Variants in RGS6 observed in about 807,000 individuals in gnomAD.
RGS6 encodes the protein regulator of G protein signaling 6, also known as regulator of G-protein signaling 6.
A neutral mutation model predicts 78.5 loss-of-function variants in RGS6; 30 were observed. The observed-to-expected ratio is 0.38, with a 90% CI of 0.29 to 0.52. RGS6 has a LOEUF of 0.52. Among genes scored for constraint, RGS6 ranks in the 20% least tolerant of loss-of-function variants. The probability of loss-of-function intolerance (pLI) is 0.85; values close to 1 mark genes in which losing one functional copy is unlikely to be tolerated. For missense variants in RGS6, 495 were observed against 609.7 expected (o/e 0.81, Z 1.98); for synonymous variants, 206 against 206.0 (o/e 1.00, Z 0.00).
chr14:72,058,000 A>C (rs1407233226), intron 2 of RGS6, among the ~76,000 whole-genome samples: 5 of 152,020 alleles, frequency 3.3e-5, no homozygotes, highest in Admixed American at 6.5e-5. Context: ...AGTGACTGCC[A>C]CTAAACCCAC....
the RGS6 span, among the ~76,000 whole-genome samples, chr14:71,890,368 G>C: frequency 1.3e-5 from 2 of 151,172 alleles, no homozygotes; most frequent in African/African-American, 4.8e-5. Flanking sequence ...CAGAGAGAGA[G>C]AGAGAGAGAG....
At chr14:72,012,443 C>G (rs1478661719) in intron 2 of RGS6, among the ~76,000 whole-genome samples, 1 of 152,114 alleles carries the variant, frequency 6.6e-6, no homozygotes, top group Non-Finnish European at 1.5e-5. Flanking sequence ...AACTCTTTCC[C>G]CATATATTTT....
chr14:71,967,013 G>A lies in RGS6; in HGVS notation c.84+2138G>A, dbSNP rs546281938. On this transcript the variant is annotated intron_variant, in intron 2 of 17. Transcript: ENST00000553525. ...TAGAATGTTTGTATTATGTTTACAGGAAAAAAAAACTTCCTGCAGGTTTAT... is the reference window on the plus strand; with the variant it reads ...TAGAATGTTTGTATTATGTTTACAGAAAAAAAAAACTTCCTGCAGGTTTAT... Among the ~76,000 whole-genome samples the A allele has an allele frequency of 6.0e-5, 9 of 150,680 alleles. No homozygotes were observed. In the South Asian group the frequency reaches 1.9e-3, roughly 32 times the overall value.
intron 2 of RGS6, among the ~76,000 whole-genome samples, chr14:72,094,312 G>A (rs1425061097): frequency 6.6e-6 from 1 of 152,172 alleles, no homozygotes. Flanking sequence ...TTAAATAAAT[G>A]GTTTTCATAT....
chr14:72,264,913 G>C (rs1241230379), intron 2 of RGS6, among the ~76,000 whole-genome samples: 2 of 152,128 alleles, frequency 1.3e-5, no homozygotes, highest in African/African-American at 4.8e-5. Context: ...GAACCTCTCG[G>C]TACCACGTTC....
chr14:72,172,776 C>T (rs563676214), intron 2 of RGS6, among the ~76,000 whole-genome samples: 8 of 152,264 alleles, frequency 5.3e-5, no homozygotes, highest in African/African-American at 1.9e-4. Context: ...CAAAGTCACT[C>T]CACCTGAGGA....
chr14:72,148,654 T>G (rs572023611), intron 2 of RGS6, among the ~76,000 whole-genome samples: 23 of 152,134 alleles, frequency 1.5e-4, no homozygotes, highest in Non-Finnish European at 2.4e-4. Context: ...TGGTATTGAT[T>G]GAATATGGTG....
intron 3 of RGS6, among the ~76,000 whole-genome samples, chr14:72,449,346 T>C (rs559327282): frequency 2.6e-5 from 4 of 152,338 alleles, no homozygotes; most frequent in Admixed American, 6.5e-5. Flanking sequence ...TTGCAGGTGA[T>C]GGGAACCAGT....
At chr14:72,105,355 G>C (rs1597641949) in intron 2 of RGS6, among the ~76,000 whole-genome samples, 1 of 152,190 alleles carries the variant, frequency 6.6e-6, no homozygotes, top group Non-Finnish European at 1.5e-5. Flanking sequence ...ATGTGGTACA[G>C]CTTTCTTTTT....
At chr14:72,391,739 C>G (rs991654414) in intron 3 of RGS6, among the ~76,000 whole-genome samples, 1 of 152,206 alleles carries the variant, frequency 6.6e-6, no homozygotes, top group Non-Finnish European at 1.5e-5. Flanking sequence ...TTAATACTAT[C>G]TCTCCCCTAG....
chr14:72,260,733 A>G (rs1440023309), intron 2 of RGS6, among the ~76,000 whole-genome samples: 1 of 152,204 alleles, frequency 6.6e-6, no homozygotes, highest in Non-Finnish European at 1.5e-5. Flanking sequence ...GCCCATCAGA[A>G]TGGAGCACAG....
chr14:72,185,299 A>G (rs2097224753), intron 2 of RGS6, among the ~76,000 whole-genome samples: 1 of 152,084 alleles, frequency 6.6e-6, no homozygotes, highest in Non-Finnish European at 1.5e-5. Context: ...AACCTCACAG[A>G]CACCCCCAGT....
At chr14:72,203,610 A>G (rs1330671696) in intron 2 of RGS6, among the ~76,000 whole-genome samples, 1 of 152,142 alleles carries the variant, frequency 6.6e-6, no homozygotes, top group African/African-American at 2.4e-5. Context: ...GGCTAGAGAC[A>G]TCAGTTCCTT....
At chr14:72,448,677 ATAG>A (rs777508271) in intron 3 of RGS6, among the ~76,000 whole-genome samples, 9 of 152,226 alleles carry the variant, frequency 5.9e-5, no homozygotes, top group Non-Finnish European at 1.3e-4. Context: ...ACAGCTAATA[ATAG>A]TACCAATTAT....
chr14:72,470,859 A>G (rs1001758621), intron 8 of RGS6, among the ~76,000 whole-genome samples: 1 of 148,302 alleles, frequency 6.7e-6, no homozygotes, highest in African/African-American at 2.5e-5. Context: ...AGCCTGGGCA[A>G]CAAGAGCAAA....
At chr14:71,937,839 C>T (rs2089764908) in intron 1 of RGS6, among the ~76,000 whole-genome samples, 1 of 152,226 alleles carries the variant, frequency 6.6e-6, no homozygotes, top group African/African-American at 2.4e-5. Flanking sequence ...GGAAGAAGTC[C>T]AGTATAATCA....
At chr14:72,526,250 C>A (rs886890448) in intron 15 of RGS6, among the ~76,000 whole-genome samples, 4 of 148,420 alleles carry the variant, frequency 2.7e-5, no homozygotes, top group East Asian at 2.0e-4. Flanking sequence ...ACTACAGGTA[C>A]CTGCCACCAC....
intron 3 of RGS6, among the ~76,000 whole-genome samples, chr14:72,374,179 T>G (rs1202773974): frequency 6.6e-6 from 1 of 152,178 alleles, no homozygotes; most frequent in Non-Finnish European, 1.5e-5. Context: ...CATGTTGGTG[T>G]GCTGCACCCA....
Position 72,081,232 on chromosome 14 carries a change from G to A in RGS6, c.84+116357G>A, listed in dbSNP as rs1017091889. On this transcript the variant is annotated intron_variant, in intron 2 of 17. Coordinates refer to ENST00000553525, the MANE Select transcript of RGS6 (RefSeq NM_001204424.2). The stretch of plus-strand genomic sequence containing the variant: ...CAGTGTACAGATTTTTCAATTCCTG[G>A]TTAAATTTACCCCTAAGTACTTTAT... 1.3e-5 allele frequency among the ~76,000 whole-genome samples: 2 copies of A among 151,894 alleles called. 1 individual carries two copies. The highest frequency in any genetic ancestry group is 4.8e-5 in the African/African-American group (2 of 41,380).
Sources: gnomAD v4.1 joint callset for allele counts (sites outside exome capture counted in the v4.1 genomes callset) on GRCh38, gnomAD v4.1.1 for gene constraint, MANE v1.5 for transcripts, NCBI Gene and HGNC (gene_info 2026-07-23, HGNC 2026-07-21) for gene names.